COX7A2L: variants seen among roughly 807,000 people sequenced by gnomAD.
The protein encoded by COX7A2L is cytochrome c oxidase subunit 7A2 like.
Under a neutral mutation model 14.2 loss-of-function variants are expected in COX7A2L, and 18 were observed. That is an observed-to-expected ratio of 1.27 (90% CI 0.88 to 1.88). The LOEUF (loss-of-function observed/expected upper bound fraction) is 1.88, where lower values mean the gene tolerates loss of function less well. Ranked by LOEUF, COX7A2L falls within the 40% of genes most tolerant of loss-of-function variation. COX7A2L has a pLI of 0.00. For missense variants in COX7A2L, 179 were observed against 138.8 expected, an observed-to-expected ratio of 1.29 and a Z score of -1.46; for synonymous variants, 65 against 57.4, an observed-to-expected ratio of 1.13 and a Z score of -0.60.
Position 42,342,226 on chromosome 2 carries a change from C to A in COX7A2L, c.193-8357G>T, listed in dbSNP as rs910483277. 3.9e-5 allele frequency among the ~76,000 whole-genome samples: 6 copies of A among 152,150 alleles called. No homozygotes were observed. Among genetic ancestry groups the A allele is most frequent in the Non-Finnish European group, 8.8e-5 (6 of 68,012 alleles). On this transcript the variant is annotated intron_variant, in intron 2 of 2. Coordinates refer to the COX7A2L transcript ENST00000468711. This position sits in a 1 kb window ranked among gnomAD's most constrained non-coding sequence, Gnocchi z 4.9. The stretch of plus-strand genomic sequence containing the variant: ...AAGCCTAAGCCTGGTACAGCTGGAA[C>A]CCTGAAGGGGGCCCTGGACCAGCAG...
intron 2 of COX7A2L, among the ~76,000 whole-genome samples, chr2:42,335,996 C>T (rs1293069970): frequency 6.6e-6 from 1 of 152,204 alleles, no homozygotes; most frequent in Non-Finnish European, 1.5e-5. Context: ...CTTCTCTGAC[C>T]ATGGGCACAG....
downstream of COX7A2L, among the ~76,000 whole-genome samples, chr2:42,347,307 C>CATTTTT (rs71408096): frequency 7.4e-6 from 1 of 135,052 alleles, no homozygotes; most frequent in African/African-American, 2.7e-5. Flanking sequence ...AAACCAGCAC[C>CATTTTT]TTTTTTTTTT....
chr2:42,352,092 T>A (rs1483455663), intron 2 of COX7A2L, among the ~76,000 whole-genome samples: 1 of 152,198 alleles, frequency 6.6e-6, no homozygotes, highest in East Asian at 1.9e-4. Flanking sequence ...TCAAGTCCAT[T>A]TGGCATTCAA....
intron 1 of COX7A2L, chr2:42,359,458 A>G (rs996892269): frequency 1.3e-5 from 2 of 152,198 alleles, no homozygotes; most frequent in African/African-American, 4.8e-5. Flanking sequence ...TAATATCCAT[A>G]CACTGGAGAA....
At chr2:42,354,877 G>A (rs980140706) in intron 1 of COX7A2L, among the ~76,000 whole-genome samples, 4 of 152,206 alleles carry the variant, frequency 2.6e-5, no homozygotes, top group African/African-American at 7.2e-5. Context: ...CCCTTGTGAA[G>A]TGTCAGTATC....
At chr2:42,351,473 T>C in intron 2 of COX7A2L, 114 bp from the exon 3 acceptor site, 1 of 1,213,720 alleles carries the variant, frequency 8.2e-7, no homozygotes, top group South Asian at 1.6e-5. Flanking sequence ...CACATGACAG[T>C]GGGAAAAGCA....
At chr2:42,341,157 T>C (rs1670397886) in intron 2 of COX7A2L, among the ~76,000 whole-genome samples, 1 of 152,118 alleles carries the variant, frequency 6.6e-6, no homozygotes, top group South Asian at 2.1e-4. Context: ...CAGTGGTTTA[T>C]TTCAGTCCTC....
At chr2:42,343,430 G>C (rs1016778466) in intron 2 of COX7A2L, among the ~76,000 whole-genome samples, 3 of 152,210 alleles carry the variant, frequency 2.0e-5, no homozygotes, top group Non-Finnish European at 4.4e-5. Flanking sequence ...TAGAATAACA[G>C]AGAATTAATG....
chr2:42,356,883 G>A (rs931293350), intron 1 of COX7A2L, among the ~76,000 whole-genome samples: 4 of 152,174 alleles, frequency 2.6e-5, no homozygotes, highest in East Asian at 1.9e-4. Flanking sequence ...CTGTGATCAC[G>A]CCACTGTACT....
At chr2:42,361,468 T>A (rs1671048846), upstream of COX7A2L, 1 of 259,562 alleles carries the variant, frequency 3.9e-6, no homozygotes, top group African/African-American at 2.3e-5. Context: ...CCACGACAAC[T>A]CAAGAAATGC....
downstream of COX7A2L, among the ~76,000 whole-genome samples, chr2:42,346,928 T>C (rs1480636413): frequency 6.6e-6 from 1 of 152,212 alleles, no homozygotes; most frequent in African/African-American, 2.4e-5. Context: ...AAAAATTCTT[T>C]AGAGATTGGC....
In COX7A2L at chr2:42,349,981, C is replaced by G. The variant is rs1670586955; in HGVS notation, c.*1238G>C. 1 of 151,976 alleles carries G rather than the reference C, an allele frequency of 6.6e-6. No individual in the cohort carries two copies. The highest frequency in any genetic ancestry group is 2.4e-5 in the African/African-American group (1 of 41,340). The allele number at this position is 151,976 out of a possible 1,614,324, so 9.4% of individuals were successfully genotyped here. ...GAAGGATATACAGGTGTATATTGTA[C>G]TATGCTTAGTCCTTCTGTAGTCTGA... On this transcript the variant is annotated 3_prime_UTR_variant, in exon 3 of 3. Coordinates refer to ENST00000234301, the MANE Select transcript of COX7A2L (RefSeq NM_004718.4).
At chr2:42,359,418 GT>G (rs1268572997) in intron 1 of COX7A2L, 1 of 152,198 alleles carries the variant, frequency 6.6e-6, no homozygotes, top group African/African-American at 2.4e-5. Flanking sequence ...CAGTACATGG[GT>G]TTGTCCAAAC....
In COX7A2L at chr2:42,361,172, G is replaced by A. The variant is rs779233293; in HGVS notation, c.-11C>T. The A allele has an allele frequency of 1.2e-6, 2 of 1,604,868 alleles. No homozygotes were observed. Among genetic ancestry groups the A allele is most frequent in the African/African-American group, 2.7e-5 (2 of 74,762 alleles). ...AAACTTGTAGTACATGACGCCCAGA[G>A]TCCGGCTTCCCGCATCCGCTGCCAA... On this transcript the variant is annotated 5_prime_UTR_variant, in exon 1 of 3. Transcript: ENST00000234301.
chr2:42,337,707 CT>C (rs146770215), intron 2 of COX7A2L, among the ~76,000 whole-genome samples: 5,700 of 152,252 alleles, frequency 0.037, 326 homozygotes, highest in African/African-American at 0.13. Context: ...TCATGGGACT[CT>C]TATTTTTGCA....
chr2:42,359,711 G>C (rs1224995061), intron 1 of COX7A2L: 1 of 151,736 alleles, frequency 6.6e-6, no homozygotes, highest in Non-Finnish European at 1.5e-5. Context: ...CCACCTATGG[G>C]CTGAAGACAC....
intron 2 of COX7A2L, among the ~76,000 whole-genome samples, chr2:42,341,257 T>G (rs1242705152): frequency 6.6e-6 from 1 of 151,964 alleles, no homozygotes; most frequent in Non-Finnish European, 1.5e-5. Flanking sequence ...TGATGAGAAC[T>G]CACATCTACC....
At chr2:42,344,787 CTTGCAGTGAGCTGAGA>C (rs1670463807), downstream of COX7A2L, among the ~76,000 whole-genome samples, 1 of 151,258 alleles carries the variant, frequency 6.6e-6, no homozygotes, top group South Asian at 2.1e-4. Context: ...GGAGGCGGAG[CTTGCAGTGAGCTGAGA>C]TTGCGCCACT....
intron 2 of COX7A2L, among the ~76,000 whole-genome samples, chr2:42,337,448 G>C (rs1306292844): frequency 1.3e-5 from 2 of 152,120 alleles, no homozygotes; most frequent in African/African-American, 2.4e-5. Context: ...GTGACTTCAG[G>C]GGACAGGAAT....
Sources: allele counts gnomAD v4.1 joint callset (sites outside exome capture counted in the v4.1 genomes callset), GRCh38; gene constraint gnomAD v4.1.1; non-coding constraint Gnocchi (gnomAD v3.1); transcripts MANE v1.5; gene names NCBI Gene and HGNC (gene_info 2026-07-23, HGNC 2026-07-21).